The following EBF2 variants were observed in gnomAD, a reference collection of about 807,000 sequenced individuals.
EBF2 encodes transcription factor COE2.
A neutral mutation model predicts 72.8 loss-of-function variants in EBF2; 21 were observed. That is an observed-to-expected ratio of 0.29 (90% CI 0.20 to 0.42). The LOEUF is 0.42. Ranked by LOEUF, EBF2 falls within the 10% of genes least tolerant of loss-of-function variation. The probability of loss-of-function intolerance (pLI) is 1.00; values close to 1 mark genes in which losing one functional copy is unlikely to be tolerated. For synonymous variants in EBF2, 299 were observed against 274.2 expected (o/e 1.09, Z -0.89); for missense variants, 637 against 731.2 (o/e 0.87, Z 1.49).
rs779209613 is a variant in EBF2 at position 25,858,472 on chromosome 8, G to C, written c.1375C>G (p.Arg459Gly). ...YIRNTSSISP[R>G]GYSSSSTPQQ... Reference sequence around the variant, plus strand: ...GGCGTGGAGCTGGAAGAGTATCCCCGCGGAGAGATGCTGCTTGTGTTGCGG... The same window carrying C: ...GGCGTGGAGCTGGAAGAGTATCCCCCCGGAGAGATGCTGCTTGTGTTGCGG... Residue 459 changes from arginine to glycine, a missense_variant, in exon 14 of 16, where the codon CGG (arginine) becomes GGG (glycine). By Grantham distance (125) the Arg-to-Gly change is moderately radical. Transcript: ENST00000520164. 1.2e-6 allele frequency: 2 copies of C among 1,613,850 alleles called. No homozygotes were observed. The highest frequency in any genetic ancestry group is 1.7e-5 in the Admixed American group (1 of 60,000).
chr8:25,870,174 C>T (rs1284924580), intron 10 of EBF2, among the ~76,000 whole-genome samples: 2 of 152,144 alleles, frequency 1.3e-5, no homozygotes, highest in Non-Finnish European at 1.5e-5. Flanking sequence ...AACTAGCAAA[C>T]ACAAACAGCT....
intron 6 of EBF2, among the ~76,000 whole-genome samples, chr8:25,924,489 G>A (rs916042938): frequency 6.6e-6 from 1 of 152,148 alleles, no homozygotes; most frequent in Non-Finnish European, 1.5e-5. Flanking sequence ...AAGTTAGGGA[G>A]GGATCAATGC....
intron 7 of EBF2, among the ~76,000 whole-genome samples, chr8:25,901,525 G>A (rs1802954810): frequency 6.6e-6 from 1 of 151,686 alleles, no homozygotes; most frequent in Non-Finnish European, 1.5e-5. Context: ...ATACACGCTT[G>A]TGCTGCCCAC....
intron 6 of EBF2, among the ~76,000 whole-genome samples, chr8:26,014,198 T>C (rs1298728907): frequency 6.6e-6 from 1 of 152,092 alleles, no homozygotes; most frequent in African/African-American, 2.4e-5. Flanking sequence ...ATATTTTAAA[T>C]CTTAACTTAT....
intron 6 of EBF2, among the ~76,000 whole-genome samples, chr8:25,926,197 G>A (rs1276268252): frequency 2.6e-5 from 4 of 152,148 alleles, no homozygotes; most frequent in African/African-American, 7.2e-5. Context: ...AACATGGGAG[G>A]GAGATCTCGT....
At chr8:26,039,086 C>G (rs764627011) in intron 5 of EBF2, among the ~76,000 whole-genome samples, 1 of 152,198 alleles carries the variant, frequency 6.6e-6, no homozygotes, top group Non-Finnish European at 1.5e-5. Context: ...TAGCCACACT[C>G]TTCCCAGAGT....
intron 10 of EBF2, among the ~76,000 whole-genome samples, chr8:25,883,652 A>T (rs770521284): frequency 7.9e-5 from 12 of 152,124 alleles, no homozygotes; most frequent in Non-Finnish European, 1.8e-4. Flanking sequence ...CACGTACACA[A>T]CACCTGGTTC....
chr8:26,030,568 AT>A (rs1805384346), intron 6 of EBF2, among the ~76,000 whole-genome samples: 1 of 152,030 alleles, frequency 6.6e-6, no homozygotes, highest in African/African-American at 2.4e-5. Context: ...TAAAATTTCA[AT>A]TAAAAAAAAA....
intron 10 of EBF2, among the ~76,000 whole-genome samples, chr8:25,883,501 T>C (rs2117286173): frequency 6.6e-6 from 1 of 152,140 alleles, no homozygotes; most frequent in African/African-American, 2.4e-5. Flanking sequence ...TTTGTGTGTT[T>C]AGAGCACGTG....
chr8:25,851,501 G>A (rs1801972496), intron 14 of EBF2, among the ~76,000 whole-genome samples: 2 of 152,126 alleles, frequency 1.3e-5, no homozygotes, highest in African/African-American at 4.8e-5. Context: ...TTTACATAAT[G>A]AAGTACCCCA....
intron 6 of EBF2, among the ~76,000 whole-genome samples, chr8:26,024,422 T>C (rs17818412): frequency 0.11 from 16,935 of 152,222 alleles, 992 homozygotes; most frequent in South Asian, 0.15. Context: ...CTCAATCTTA[T>C]TATCCCTAAG....
At chr8:26,023,792 G>C (rs1694074105) in intron 6 of EBF2, among the ~76,000 whole-genome samples, 1 of 152,096 alleles carries the variant, frequency 6.6e-6, no homozygotes, top group Non-Finnish European at 1.5e-5. Flanking sequence ...GCTGGGGGAG[G>C]GGAAGCAGGG....
At chr8:25,965,090 T>C (rs1308265996) in intron 6 of EBF2, among the ~76,000 whole-genome samples, 2 of 152,182 alleles carry the variant, frequency 1.3e-5, no homozygotes, top group Non-Finnish European at 2.9e-5. Context: ...TTAAAACATA[T>C]ATATACACAT....
intron 6 of EBF2, among the ~76,000 whole-genome samples, chr8:25,931,501 G>C (rs898319961): frequency 6.6e-6 from 1 of 152,266 alleles, no homozygotes; most frequent in Middle Eastern, 3.4e-3. Flanking sequence ...TGGGCATAGA[G>C]AGAATAATTC....
At chr8:25,847,447 A>G (rs978126861) in intron 15 of EBF2, among the ~76,000 whole-genome samples, 3 of 152,202 alleles carry the variant, frequency 2.0e-5, no homozygotes, top group Non-Finnish European at 2.9e-5. Flanking sequence ...GAACTTCACA[A>G]TGTTGGACAC....
intron 10 of EBF2, among the ~76,000 whole-genome samples, chr8:25,881,878 G>T (rs751046427): frequency 1.2e-4 from 19 of 152,194 alleles, no homozygotes; most frequent in Non-Finnish European, 2.4e-4. Flanking sequence ...ACAGAATGTG[G>T]CTGGGGCAGT....
intron 6 of EBF2, among the ~76,000 whole-genome samples, chr8:26,015,996 A>T (rs894082752): frequency 1.3e-5 from 2 of 152,222 alleles, no homozygotes; most frequent in Non-Finnish European, 2.9e-5. Context: ...TTTTCCCAAC[A>T]CATCACCTCA....
chr8:26,037,530 T>C (rs1000445152), intron 5 of EBF2, among the ~76,000 whole-genome samples: 1 of 152,308 alleles, frequency 6.6e-6, no homozygotes, highest in East Asian at 1.9e-4. Flanking sequence ...ATAAAGACAC[T>C]GGCCCCACTG....
chr8:25,906,449 G>A (rs1293224369), intron 7 of EBF2, among the ~76,000 whole-genome samples: 1 of 152,076 alleles, frequency 6.6e-6, no homozygotes, highest in Non-Finnish European at 1.5e-5. Flanking sequence ...CAAGAAGGCT[G>A]GTTTTATTTC....
Sources: allele counts gnomAD v4.1 joint callset (sites outside exome capture counted in the v4.1 genomes callset), GRCh38; gene constraint gnomAD v4.1.1; transcripts MANE v1.5; gene names NCBI Gene and HGNC (gene_info 2026-07-23, HGNC 2026-07-21).